KIAA1958: variants seen among roughly 807,000 people sequenced by gnomAD.
KIAA1958 encodes uncharacterized protein KIAA1958.
KIAA1958 carries 14 observed loss-of-function variants against 47.2 expected under a neutral mutation model. The observed-to-expected ratio is 0.30, with a 90% confidence interval of 0.20 to 0.46. The LOEUF (loss-of-function observed/expected upper bound fraction) is 0.46. Among genes scored for constraint, KIAA1958 ranks in the 20% least tolerant of loss-of-function variants. The pLI, the probability that KIAA1958 is intolerant of heterozygous loss-of-function variation, is 1.00. For missense variants in KIAA1958, 803 were observed against 909.2 expected, an observed-to-expected ratio of 0.88 and a Z score of 1.50; for synonymous variants, 354 against 353.3, an observed-to-expected ratio of 1.00 and a Z score of -0.02.
chr9:112,545,517 T>C (rs545301204), intron 1 of KIAA1958, among the ~76,000 whole-genome samples: 31 of 152,326 alleles, frequency 2.0e-4, no homozygotes, highest in Non-Finnish European at 3.8e-4. Context: ...TTTTGTACTT[T>C]TTTTGAACAT....
intron 1 of KIAA1958, among the ~76,000 whole-genome samples, chr9:112,506,157 G>A (rs1305801162): frequency 6.6e-6 from 1 of 152,142 alleles, no homozygotes; most frequent in Non-Finnish European, 1.5e-5. Context: ...GTGGCAATTT[G>A]TAAAAACAAA....
intron 1 of KIAA1958, among the ~76,000 whole-genome samples, chr9:112,534,368 A>G (rs1834815912): frequency 6.6e-6 from 1 of 152,206 alleles, no homozygotes. Flanking sequence ...TGCACGTTTT[A>G]GTATCATTCT....
intron 2 of KIAA1958, among the ~76,000 whole-genome samples, chr9:112,619,432 G>A (rs1836461939): frequency 6.6e-6 from 1 of 152,148 alleles, no homozygotes; most frequent in Admixed American, 6.5e-5. Flanking sequence ...ATATGAAAAT[G>A]TATAAGCTCA....
chr9:112,501,959 C>G (rs889299506), intron 1 of KIAA1958, among the ~76,000 whole-genome samples: 11 of 152,080 alleles, frequency 7.2e-5, no homozygotes, highest in Non-Finnish European at 1.0e-4. Flanking sequence ...ATAGATAAAA[C>G]GTAGAGCAAT....
intron 2 of KIAA1958, among the ~76,000 whole-genome samples, chr9:112,611,897 T>TGGAATAGAATTAAAGATTC (rs1836334423): frequency 6.6e-6 from 1 of 151,960 alleles, no homozygotes; most frequent in Non-Finnish European, 1.5e-5. Flanking sequence ...TACTAGTTAA[T>TGGAATAGAATTAAAGATTC]GGAATAGAAT....
chr9:112,608,691 T>C (rs1417600346), intron 2 of KIAA1958, among the ~76,000 whole-genome samples: 1 of 151,946 alleles, frequency 6.6e-6, no homozygotes, highest in African/African-American at 2.4e-5. Context: ...CTATGGAGGC[T>C]GAGGTGGGAG....
At chr9:112,512,420 GAAA>G (rs201804068) in intron 1 of KIAA1958, among the ~76,000 whole-genome samples, 1 of 149,024 alleles carries the variant, frequency 6.7e-6, no homozygotes, top group Admixed American at 6.7e-5. Flanking sequence ...TGCTGTAAAT[GAAA>G]AAAAAATTTG....
chr9:112,656,062 A>T (rs1477429764), intron 3 of KIAA1958, among the ~76,000 whole-genome samples: 1 of 152,156 alleles, frequency 6.6e-6, no homozygotes, highest in East Asian at 1.9e-4. Context: ...CTAAGAAGAA[A>T]AGAAAAACAA....
In KIAA1958 at chr9:112,660,180, G is replaced by A. The variant is rs1304267773; in HGVS notation, c.*111G>A. On this transcript the variant is annotated 3_prime_UTR_variant, in exon 4 of 4. Coordinates refer to ENST00000337530, the MANE Select transcript of KIAA1958 (RefSeq NM_133465.4). ...TGACCAGGTGTGACCTCCCGGTCTG[G>A]CGGCTCTCCCCTGGTGTGGCCTGCC... 2 of 896,202 alleles carry A rather than the reference G, an allele frequency of 2.2e-6. No homozygotes were observed. Among genetic ancestry groups the A allele is most frequent in the African/African-American group, 1.7e-5 (1 of 60,262 alleles). The allele number at this position is 896,202 out of a possible 1,614,324, so 55.5% of individuals were successfully genotyped here.
chr9:112,596,987 T>A (rs1046452048), intron 2 of KIAA1958, among the ~76,000 whole-genome samples: 9 of 148,310 alleles, frequency 6.1e-5, no homozygotes, highest in African/African-American at 2.3e-4. Flanking sequence ...TAATAACTAT[T>A]TCTGTTGTGG....
chr9:112,521,196 C>G (rs1301015442), intron 1 of KIAA1958, among the ~76,000 whole-genome samples: 1 of 151,896 alleles, frequency 6.6e-6, no homozygotes, highest in Non-Finnish European at 1.5e-5. Context: ...TCTAAATAGC[C>G]TATGTTGTTG....
At position 112,618,920 on chromosome 9, in the gene KIAA1958, G is replaced by T; in HGVS notation, c.1172-26730G>T. 1 of 1,519,262 alleles carries T rather than the reference G, an allele frequency of 6.6e-7. No individual in the cohort carries two copies. Among genetic ancestry groups the T allele is most frequent in the East Asian group, 2.5e-5 (1 of 40,366 alleles). The allele number at this position is 1,519,262 out of a possible 1,614,324, so 94.1% of individuals were successfully genotyped here. A position where few individuals can be genotyped will look rare whatever the true frequency, so the allele number is the denominator to read the frequency against. On this transcript the variant is annotated intron_variant, in intron 2 of 3. Transcript: ENST00000337530. This position sits in a 1 kb window ranked among gnomAD's most constrained non-coding sequence, Gnocchi z 7.1. ...CTCTTCCTCAGACACCGCTTGACCA[G>T]GTGGCTTGAGCAAGACTCCAGTTTG...
chr9:112,618,494 G>A lies in KIAA1958; in HGVS notation c.1172-27156G>A, dbSNP rs1407749606. 2 of 1,550,722 alleles carry A rather than the reference G, an allele frequency of 1.3e-6. No individual in the cohort carries two copies. The highest frequency in any genetic ancestry group is 2.4e-5 in the South Asian group (2 of 84,060). On this transcript the variant is annotated intron_variant, in intron 2 of 3. Transcript: ENST00000337530. The surrounding 1 kb of genome is among the most constrained non-coding windows in gnomAD (Gnocchi z 7.1). ...AGACTTGAATGCCAAAACCAAGAGAGGGGGGACAGACTCCCGTGTGTATGC... is the reference window on the plus strand; with the variant it reads ...AGACTTGAATGCCAAAACCAAGAGAAGGGGGACAGACTCCCGTGTGTATGC...
At chr9:112,555,590 C>T (rs1444341762) in intron 1 of KIAA1958, among the ~76,000 whole-genome samples, 1 of 152,234 alleles carries the variant, frequency 6.6e-6, no homozygotes, top group East Asian at 1.9e-4. Flanking sequence ...GCCTTCTGCT[C>T]CATGGATGGC....
At chr9:112,512,012 G>C (rs1265028061) in intron 1 of KIAA1958, among the ~76,000 whole-genome samples, 2 of 152,182 alleles carry the variant, frequency 1.3e-5, no homozygotes, top group African/African-American at 4.8e-5. Flanking sequence ...ATCTGTTATA[G>C]AAATTGAATT....
intron 2 of KIAA1958, among the ~76,000 whole-genome samples, chr9:112,593,411 A>G (rs1305445611): frequency 6.6e-6 from 1 of 152,224 alleles, no homozygotes; most frequent in East Asian, 1.9e-4. Flanking sequence ...AGGTGATGGC[A>G]GATTTAACAG....
chr9:112,503,722 TG>T (rs1175355587), intron 1 of KIAA1958, among the ~76,000 whole-genome samples: 1 of 150,152 alleles, frequency 6.7e-6, no homozygotes, highest in Non-Finnish European at 1.5e-5. Context: ...CTGGTGGTAG[TG>T]GGTAGGGTAG....
intron 1 of KIAA1958, among the ~76,000 whole-genome samples, chr9:112,491,457 C>G (rs1048966443): frequency 6.6e-6 from 1 of 152,108 alleles, no homozygotes; most frequent in African/African-American, 2.4e-5. Flanking sequence ...TCTCCTTCAC[C>G]TTACTCTCCT....
chr9:112,512,301 A>G (rs1834336687), intron 1 of KIAA1958, among the ~76,000 whole-genome samples: 1 of 152,204 alleles, frequency 6.6e-6, no homozygotes, highest in South Asian at 2.1e-4. Flanking sequence ...AAGAAGAAAA[A>G]CACATCATAA....
Sources: gnomAD v4.1 joint callset for allele counts (sites outside exome capture counted in the v4.1 genomes callset) on GRCh38, gnomAD v4.1.1 for gene constraint, Gnocchi (gnomAD v3.1) non-coding constraint, MANE v1.5 for transcripts, NCBI Gene and HGNC (gene_info 2026-07-23, HGNC 2026-07-21) for gene names.